The following CATSPERE variants were observed in gnomAD, a reference collection of about 807,000 sequenced individuals.
The protein encoded by CATSPERE is cation channel sperm-associated auxiliary subunit epsilon.
Under a neutral mutation model 114.1 loss-of-function variants are expected in CATSPERE, and 93 were observed. The ratio of observed to expected loss-of-function variants is 0.81; its 90% CI spans 0.69 to 0.97. The LOEUF is 0.97. CATSPERE is among the 50% of genes least tolerant of loss of function. The pLI, the probability that CATSPERE is intolerant of heterozygous loss-of-function variation, is 0.00. For missense variants in CATSPERE, 1,058 were observed against 1,131.6 expected (o/e 0.93, Z 0.93); for synonymous variants, 341 against 384.1 (o/e 0.89, Z 1.31).
At chr1:244,569,903 AC>A (rs1664189598) in intron 10 of CATSPERE, among the ~76,000 whole-genome samples, 1 of 152,182 alleles carries the variant, frequency 6.6e-6, no homozygotes. Context: ...TAATCACCTA[AC>A]ACACTAAATA....
chr1:244,553,410 GCAGT>G (rs1558483876), intron 9 of CATSPERE, among the ~76,000 whole-genome samples: 2 of 151,334 alleles, frequency 1.3e-5, no homozygotes, highest in Non-Finnish European at 2.9e-5. Context: ...TTAGCTGGGC[GCAGT>G]GGTGGGTGCC....
intron 10 of CATSPERE, among the ~76,000 whole-genome samples, chr1:244,565,287 C>T (rs918972142): frequency 2.0e-5 from 3 of 152,148 alleles, no homozygotes; most frequent in Admixed American, 1.3e-4. Context: ...AGGAGTCCCT[C>T]TTTTTCTGTT....
intron 9 of CATSPERE, among the ~76,000 whole-genome samples, chr1:244,558,273 G>A (rs185273217): frequency 2.6e-4 from 40 of 151,740 alleles, no homozygotes; most frequent in Middle Eastern, 3.4e-3. Context: ...CTCACGTGTA[G>A]CTGGGACTAC....
intron 8 of CATSPERE, among the ~76,000 whole-genome samples, chr1:244,546,955 A>G (rs554861932): frequency 2.2e-4 from 34 of 152,178 alleles, no homozygotes; most frequent in Non-Finnish European, 4.1e-4. Context: ...GCAGAAAATT[A>G]TAATTATCCA....
intron 11 of CATSPERE, among the ~76,000 whole-genome samples, chr1:244,576,026 G>A (rs572378622): frequency 6.6e-6 from 1 of 152,076 alleles, no homozygotes; most frequent in South Asian, 2.1e-4. Context: ...TCCAAGGAAT[G>A]TTTTACCACC....
intron 8 of CATSPERE, among the ~76,000 whole-genome samples, chr1:244,548,162 A>G (rs920111832): frequency 3.9e-5 from 6 of 152,276 alleles, no homozygotes; most frequent in Non-Finnish European, 8.8e-5. Context: ...TGTCAGCAGA[A>G]GAAGATTTAA....
intron 20 of CATSPERE, among the ~76,000 whole-genome samples, chr1:244,628,116 T>C (rs865972768): frequency 6.6e-6 from 1 of 152,260 alleles, no homozygotes; most frequent in Non-Finnish European, 1.5e-5. Flanking sequence ...CATGTCGTTA[T>C]AATTGTTCTA....
At chr1:244,512,302 CT>C (rs1253241621) in intron 7 of CATSPERE, among the ~76,000 whole-genome samples, 2 of 152,184 alleles carry the variant, frequency 1.3e-5, no homozygotes, top group African/African-American at 4.8e-5. Flanking sequence ...ATTCTTTCTT[CT>C]GCTCGATCAA....
intron 18 of CATSPERE, among the ~76,000 whole-genome samples, chr1:244,610,038 CT>C: frequency 6.6e-6 from 1 of 152,090 alleles, no homozygotes; most frequent in South Asian, 2.1e-4. Flanking sequence ...GAGTGAGACT[CT>C]GTCTCAAAAA....
chr1:244,494,242 C>T (rs948630061), intron 6 of CATSPERE, among the ~76,000 whole-genome samples: 4 of 151,832 alleles, frequency 2.6e-5, no homozygotes, highest in African/African-American at 4.8e-5. Flanking sequence ...GAAAATGTGG[C>T]ACATATACAC....
At chr1:244,471,196 C>G (rs981804991) in intron 2 of CATSPERE, among the ~76,000 whole-genome samples, 3 of 152,042 alleles carry the variant, frequency 2.0e-5, no homozygotes, top group Non-Finnish European at 4.4e-5. Context: ...AAACCATAAC[C>G]GTAATACTAA....
chr1:244,451,860 C>A (rs1665628256), upstream of CATSPERE: 4 of 1,505,642 alleles, frequency 2.7e-6, no homozygotes, highest in East Asian at 9.8e-5. The surrounding 1 kb of genome is among the most constrained non-coding windows in gnomAD (Gnocchi z 6.6). Flanking sequence ...AGGCGGCCGG[C>A]GAGGAGTGAG....
chr1:244,569,607 T>A (rs1484967350), intron 10 of CATSPERE, among the ~76,000 whole-genome samples: 4 of 152,222 alleles, frequency 2.6e-5, no homozygotes, highest in African/African-American at 9.6e-5. Flanking sequence ...TATGCCATAA[T>A]ATGACAGGTC....
chr1:244,531,093 G>A lies in CATSPERE; in HGVS notation c.536+12395G>A, dbSNP rs181327495. 3.5e-4 allele frequency among the ~76,000 whole-genome samples: 53 copies of A among 149,784 alleles called. 1 individual carries two copies. The highest frequency in any genetic ancestry group is 1.1e-3 in the African/African-American group (43 of 39,698). On this transcript the variant is annotated intron_variant, in intron 8 of 21. Transcript: ENST00000366534. ...AAATAAAAAAAATTTAAAAAAAGCC[G>A]GGTGTGGTGGCATGTGCCTGTCATC...
Position 244,535,023 on chromosome 1 carries a change from T to C in CATSPERE, c.536+16325T>C, listed in dbSNP as rs1352160577. On this transcript the variant is annotated intron_variant, in intron 8 of 21. Coordinates refer to ENST00000366534, the MANE Select transcript of CATSPERE (RefSeq NM_001130957.2). ...CCAAGCCCAGTAATGCTATGACTCT[T>C]GGTGGTCTTGGAAAAAATCTGGAAA... is the stretch of plus-strand genomic sequence containing the variant. Among the ~76,000 whole-genome samples, 4 of 152,094 alleles carry C rather than the reference T, an allele frequency of 2.6e-5. No individual in the cohort carries two copies. The East Asian group carries it at 7.7e-4, about 29-fold the overall frequency.
intron 19 of CATSPERE, among the ~76,000 whole-genome samples, chr1:244,611,766 A>C (rs956354994): frequency 2.0e-5 from 3 of 152,204 alleles, no homozygotes; most frequent in African/African-American, 4.8e-5. Context: ...CAAATCTTAC[A>C]AAAGGCACCT....
At chr1:244,496,357 C>CTCTCACTTA (rs748045039) in intron 6 of CATSPERE, among the ~76,000 whole-genome samples, 11 of 152,154 alleles carry the variant, frequency 7.2e-5, no homozygotes, top group Non-Finnish European at 1.0e-4. Context: ...AGTGTTTTCA[C>CTCTCACTTA]GCTTAGGACC....
At position 244,461,358 on chromosome 1, in the gene CATSPERE, G is replaced by T. The variant is rs938363333; in HGVS notation, c.-72G>T. The T allele has an allele frequency of 8.0e-6, 10 of 1,253,306 alleles. No individual in the cohort carries two copies. Among genetic ancestry groups the T allele is most frequent in the African/African-American group, 1.6e-5 (1 of 64,150 alleles). 77.6% of individuals were successfully genotyped at this position (1,253,306 alleles called of 1,614,324 possible). A position where few individuals can be genotyped will look rare whatever the true frequency, so the allele number is the denominator to read the frequency against. On this transcript the variant is annotated 5_prime_UTR_variant, in exon 1 of 22. Transcript: ENST00000366534. ...GGCGCCTGCAGCCGCCCGCCGGGCC[G>T]ACGTCCCACGGGAATGCGCGAGGCC...
At chr1:244,621,835 C>G (rs1051240442) in intron 20 of CATSPERE, among the ~76,000 whole-genome samples, 2 of 152,108 alleles carry the variant, frequency 1.3e-5, no homozygotes, top group African/African-American at 4.8e-5. Flanking sequence ...ACTCAATACA[C>G]AGATTAAACA....
Sources: gnomAD v4.1 joint callset for allele counts (sites outside exome capture counted in the v4.1 genomes callset) on GRCh38, gnomAD v4.1.1 for gene constraint, Gnocchi (gnomAD v3.1) non-coding constraint, MANE v1.5 for transcripts, NCBI Gene and HGNC (gene_info 2026-07-23, HGNC 2026-07-21) for gene names.